The following PCSK6 variants were observed in gnomAD, a reference collection of about 807,000 sequenced individuals.
PCSK6 encodes the protein proprotein convertase subtilisin/kexin type 6, also known as paired basic amino acid cleaving enzyme 4.
PCSK6 carries 85 observed loss-of-function variants against 123.3 expected under a neutral mutation model. That is an observed-to-expected ratio of 0.69 (90% CI 0.58 to 0.83). The LOEUF (loss-of-function observed/expected upper bound fraction) is 0.83. Ranked by LOEUF, PCSK6 falls within the 40% of genes least tolerant of loss-of-function variation. The pLI is 0.00. For missense variants in PCSK6, 1,191 were observed against 1,282.3 expected, an observed-to-expected ratio of 0.93 and a Z score of 1.09; for synonymous variants, 508 against 516.0, an observed-to-expected ratio of 0.98 and a Z score of 0.21.
At chr15:101,329,118 C>T (rs771919457) in intron 15 of PCSK6, among the ~76,000 whole-genome samples, 3 of 152,238 alleles carry the variant, frequency 2.0e-5, no homozygotes, top group Admixed American at 1.3e-4. Flanking sequence ...GCTCCGTTCA[C>T]GTGCTGAACA....
intron 5 of PCSK6, among the ~76,000 whole-genome samples, chr15:101,428,847 A>G (rs2643350): frequency 0.21 from 31,650 of 152,154 alleles, 3,881 homozygotes; most frequent in African/African-American, 0.34. Context: ...CACAGAGCTC[A>G]ATGGATGGCT....
intron 18 of PCSK6, among the ~76,000 whole-genome samples, chr15:101,320,118 T>C (rs2040083169): frequency 6.6e-6 from 1 of 152,104 alleles, no homozygotes; most frequent in East Asian, 1.9e-4. Context: ...CAGGATCTCA[T>C]TCTGTCACCC....
chr15:101,486,695 AT>A (rs2058028629), intron 1 of PCSK6, among the ~76,000 whole-genome samples: 1 of 152,238 alleles, frequency 6.6e-6, no homozygotes, highest in Non-Finnish European at 1.5e-5. Context: ...ACCAGTCTAA[AT>A]TACCTCTGGG....
At chr15:101,483,417 A>C (rs1027848193) in intron 1 of PCSK6, among the ~76,000 whole-genome samples, 1 of 152,224 alleles carries the variant, frequency 6.6e-6, no homozygotes, top group Non-Finnish European at 1.5e-5. Flanking sequence ...ATTTAAGGCA[A>C]GTTCAAGATC....
intron 12 of PCSK6, among the ~76,000 whole-genome samples, chr15:101,366,712 A>G (rs1169091745): frequency 1.3e-5 from 2 of 152,106 alleles, no homozygotes; most frequent in Non-Finnish European, 2.9e-5. Flanking sequence ...TCTTACAGAG[A>G]CCATAACTCC....
intron 6 of PCSK6, among the ~76,000 whole-genome samples, chr15:101,410,270 T>C (rs763799376): frequency 2.6e-5 from 4 of 152,132 alleles, no homozygotes; most frequent in Non-Finnish European, 4.4e-5. Flanking sequence ...AGGAAGGGCT[T>C]GCCATGAAGC....
chr15:101,380,953 C>T (rs2041896031), intron 11 of PCSK6, among the ~76,000 whole-genome samples: 1 of 152,212 alleles, frequency 6.6e-6, no homozygotes, highest in African/African-American at 2.4e-5. Flanking sequence ...CCCAGAGAAA[C>T]ACCGTTCTCC....
At position 101,322,623 on chromosome 15, in the gene PCSK6, G is replaced by C. The variant is rs374794693; in HGVS notation, c.2378-16C>G. 1 of 1,538,032 alleles carries C rather than the reference G, an allele frequency of 6.5e-7. No individual in the cohort carries two copies. The highest frequency in any genetic ancestry group is 1.7e-4 in the Middle Eastern group (1 of 5,950). ...TTTTTCTGACCTGGAGAAAAATAGC[G>C]AGATAAGAAAAGAGAAGGGACGACA... On this transcript the variant is annotated splice_polypyrimidine_tract_variant and intron_variant, in intron 17 of 21. Transcript: ENST00000611716.
intron 1 of PCSK6, among the ~76,000 whole-genome samples, chr15:101,470,088 T>G (rs1179075504): frequency 2.6e-5 from 4 of 152,158 alleles, no homozygotes; most frequent in Non-Finnish European, 4.4e-5. Flanking sequence ...GCTGAACCAT[T>G]CCAACTCAGG....
At chr15:101,483,130 A>G (rs2057932264) in intron 1 of PCSK6, among the ~76,000 whole-genome samples, 1 of 152,200 alleles carries the variant, frequency 6.6e-6, no homozygotes, top group South Asian at 2.1e-4. Context: ...GCATAAAACC[A>G]AGACAGCCTT....
At chr15:101,336,331 C>T (rs193048743) in intron 13 of PCSK6, among the ~76,000 whole-genome samples, 7 of 152,212 alleles carry the variant, frequency 4.6e-5, no homozygotes, top group Admixed American at 1.3e-4. Context: ...GAGACTGGCA[C>T]GCAGGAGCTG....
chr15:101,428,115 TC>T, intron 5 of PCSK6, 135 bp from the exon 6 acceptor site: 1 of 709,002 alleles, frequency 1.4e-6, no homozygotes, highest in Non-Finnish European at 2.4e-6. Context: ...ATTTCCTGCA[TC>T]CCCTCTCATC....
intron 4 of PCSK6, 30 bp downstream of exon 4, chr15:101,431,290 T>C: frequency 2.5e-6 from 4 of 1,611,946 alleles, no homozygotes; most frequent in Non-Finnish European, 3.4e-6. Context: ...GTTGAATATA[T>C]TTGCATGTCA....
intron 1 of PCSK6, among the ~76,000 whole-genome samples, chr15:101,479,127 G>A (rs765595250): frequency 7.2e-5 from 11 of 152,188 alleles, no homozygotes; most frequent in East Asian, 1.9e-4. Context: ...GAGACACCCC[G>A]CACGCCATGG....
chr15:101,436,423 G>A (rs746662220), intron 2 of PCSK6, among the ~76,000 whole-genome samples: 10 of 152,182 alleles, frequency 6.6e-5, no homozygotes, highest in Non-Finnish European at 1.5e-4. Flanking sequence ...GAGACAGCTC[G>A]GCCAGCTCTT....
chr15:101,443,708 G>T, intron 1 of PCSK6, 48 bp from the exon 2 acceptor site: 1 of 1,402,694 alleles, frequency 7.1e-7, no homozygotes, highest in Non-Finnish European at 1.0e-6. Context: ...CTCACGAACA[G>T]CTTCCAAAAT....
At chr15:101,421,398 C>T (rs755255466) in intron 6 of PCSK6, among the ~76,000 whole-genome samples, 28 of 152,302 alleles carry the variant, frequency 1.8e-4, no homozygotes, top group Admixed American at 9.8e-4. Flanking sequence ...TCAAAAGGTG[C>T]GACCAAATTT....
At chr15:101,387,496 G>GA (rs1342045413) in intron 9 of PCSK6, among the ~76,000 whole-genome samples, 2 of 152,192 alleles carry the variant, frequency 1.3e-5, no homozygotes, top group East Asian at 1.9e-4. Context: ...ATTTTCTTAT[G>GA]AAAAAATCTA....
chr15:101,360,418 C>T (rs977616475), intron 13 of PCSK6, among the ~76,000 whole-genome samples: 1 of 152,184 alleles, frequency 6.6e-6, no homozygotes, highest in Non-Finnish European at 1.5e-5. Context: ...TCCTATTCTG[C>T]TCCTCTTCCC....
Sources: allele counts gnomAD v4.1 joint callset (sites outside exome capture counted in the v4.1 genomes callset), GRCh38; gene constraint gnomAD v4.1.1; transcripts MANE v1.5; gene names NCBI Gene and HGNC (gene_info 2026-07-23, HGNC 2026-07-21).